ADGRE1: variants seen among roughly 807,000 people sequenced by gnomAD.
ADGRE1 encodes EGF-like module receptor 1.
Under a neutral mutation model 102.7 loss-of-function variants are expected in ADGRE1, and 82 were observed. The observed-to-expected ratio is 0.80, with a 90% confidence interval of 0.67 to 0.96. The LOEUF (loss-of-function observed/expected upper bound fraction) is 0.96. ADGRE1 is among the 40% of genes least tolerant of loss of function. ADGRE1 has a pLI of 0.00. For synonymous variants in ADGRE1, 398 were observed against 399.6 expected (o/e 1.00, Z 0.05); for missense variants, 1,032 against 1,085.3 (o/e 0.95, Z 0.69).
chr19:6,924,531 GAC>G (rs1232324380), intron 14 of ADGRE1, 145 bp from the exon 15 acceptor site: 8 of 651,282 alleles, frequency 1.2e-5, no homozygotes, highest in Admixed American at 5.5e-5. Context: ...GATAATGAAG[GAC>G]AGTATCTAGT....
intron 5 of ADGRE1, among the ~76,000 whole-genome samples, chr19:6,898,869 T>C (rs975732988): frequency 2.6e-5 from 4 of 152,180 alleles, no homozygotes; most frequent in African/African-American, 9.7e-5. Context: ...TGTCTTTACA[T>C]GTTAGGTAGG....
intron 10 of ADGRE1, among the ~76,000 whole-genome samples, chr19:6,909,718 GTTTGTTTGTTTTGT>G (rs1974100560): frequency 6.6e-6 from 1 of 151,668 alleles, no homozygotes; most frequent in African/African-American, 2.4e-5. Flanking sequence ...GGTTTTTTTT[GTTTGTTTGTTTTGT>G]TTTGTTTGTT....
intron 10 of ADGRE1, among the ~76,000 whole-genome samples, chr19:6,911,108 A>C (rs1317589948): frequency 1.3e-5 from 2 of 152,062 alleles, no homozygotes; most frequent in Non-Finnish European, 2.9e-5. Flanking sequence ...GTCCTAGTTG[A>C]GATGTTTCTG....
chr19:6,919,581 G>A lies in ADGRE1; in HGVS notation c.1454G>A (p.Gly485Asp), dbSNP rs757828062. 9 of 1,613,196 alleles carry A rather than the reference G, an allele frequency of 5.6e-6. No homozygotes were observed. The South Asian group carries it at 8.8e-5, about 16-fold the overall frequency. ...GGTGTGGCTTTTGTCTCCTTTGTGG[G>A]CATGGAATCGGTTTTAAATGAGCGC... ...TTGVAFVSFV[G>D]MESVLNERFF... Residue 485 changes from glycine to aspartate, a missense_variant, in exon 13 of 21, where the codon GGC (glycine) becomes GAC (aspartate). Physicochemically the swap from Gly to Asp is moderately conservative, Grantham distance 94. Coordinates refer to ENST00000312053, the MANE Select transcript of ADGRE1 (RefSeq NM_001974.5).
chr19:6,937,984 C>T (rs1390044720), intron 20 of ADGRE1, among the ~76,000 whole-genome samples: 3 of 150,828 alleles, frequency 2.0e-5, no homozygotes, highest in Admixed American at 6.6e-5. Context: ...TTTATATGCA[C>T]TTATTATATA....
chr19:6,933,973 G>A (rs1198481385), intron 17 of ADGRE1, among the ~76,000 whole-genome samples: 1 of 152,072 alleles, frequency 6.6e-6, no homozygotes, highest in Non-Finnish European at 1.5e-5. Context: ...ATGTCCTAAC[G>A]TACTGGATGC....
At chr19:6,923,765 T>C (rs1299798601) in intron 14 of ADGRE1, among the ~76,000 whole-genome samples, 3 of 143,426 alleles carry the variant, frequency 2.1e-5, no homozygotes, top group Admixed American at 7.0e-5. Context: ...TTCAAGCTTC[T>C]GAGCTCAGGT....
At chr19:6,906,356 C>G in intron 8 of ADGRE1, 77 bp from the exon 9 acceptor site, 1 of 1,318,532 alleles carries the variant, frequency 7.6e-7, no homozygotes, top group Non-Finnish European at 1.1e-6. Flanking sequence ...CACGGGAGGA[C>G]ATGAAATCAG....
intron 2 of ADGRE1, among the ~76,000 whole-genome samples, chr19:6,892,486 G>T (rs1028797820): frequency 6.6e-6 from 1 of 152,070 alleles, no homozygotes; most frequent in African/African-American, 2.4e-5. Context: ...TTCCCTCTGG[G>T]TTGTATCTAC....
intron 18 of ADGRE1, among the ~76,000 whole-genome samples, chr19:6,936,480 C>G (rs1679662036): frequency 6.6e-6 from 1 of 150,998 alleles, no homozygotes; most frequent in Admixed American, 6.6e-5. Context: ...TTGATACATA[C>G]ACATACTCAT....
intron 2 of ADGRE1, among the ~76,000 whole-genome samples, chr19:6,891,579 G>A (rs1264820123): frequency 6.6e-6 from 1 of 151,316 alleles, no homozygotes; most frequent in Non-Finnish European, 1.5e-5. Flanking sequence ...TCAGCCTCCC[G>A]AGTAGCTGGG....
At chr19:6,932,927 T>G (rs919977231) in intron 17 of ADGRE1, among the ~76,000 whole-genome samples, 2 of 152,058 alleles carry the variant, frequency 1.3e-5, no homozygotes, top group Non-Finnish European at 2.9e-5. Flanking sequence ...AAATAATAAT[T>G]ATGATGATGT....
intron 2 of ADGRE1, among the ~76,000 whole-genome samples, chr19:6,893,493 G>A (rs762995225): frequency 2.6e-5 from 4 of 152,124 alleles, no homozygotes; most frequent in South Asian, 2.1e-4. Flanking sequence ...GAGCCATCAC[G>A]CCTGCCCGAT....
At chr19:6,898,383 G>T in intron 5 of ADGRE1, 1 of 1,601,506 alleles carries the variant, frequency 6.2e-7, no homozygotes, top group Non-Finnish European at 8.6e-7. Context: ...GGAGGTACAA[G>T]TGCAGCTGTT....
In ADGRE1 at chr19:6,937,622, T is replaced by C. The variant is rs1324713059; in HGVS notation, c.2629T>C (p.Ser877Pro). 1.2e-6 allele frequency: 2 copies of C among 1,614,082 alleles called. No individual in the cohort carries two copies. Among genetic ancestry groups the C allele is most frequent in the South Asian group, 2.2e-5 (2 of 91,070 alleles). Residue 877 changes from serine to proline, a missense_variant, in exon 20 of 21, where the codon TCC (serine) becomes CCC (proline). Ser to Pro is a moderately conservative substitution (Grantham distance 74). Transcript: ENST00000312053. ...GTCCCAGACCTCAAGGATCTTGCTG[T>C]CCTCCATGCCATCCGCTTCCAAGAC... is the stretch of plus-strand genomic sequence containing the variant. ...SQSQTSRILL[S>P]SMPSASKTG
chr19:6,915,933 A>AAC (rs1568351482), intron 11 of ADGRE1, among the ~76,000 whole-genome samples: 13 of 119,922 alleles, frequency 1.1e-4, no homozygotes, highest in Admixed American at 1.6e-4. Flanking sequence ...AAAAAAAAAA[A>AAC]AAAAAAAAAA....
chr19:6,911,041 C>T (rs796959407), intron 10 of ADGRE1, among the ~76,000 whole-genome samples: 14 of 152,088 alleles, frequency 9.2e-5, no homozygotes, highest in East Asian at 3.9e-4. Flanking sequence ...ATCAGAGGGG[C>T]GGGATTTGAA....
rs1444664521 is a variant in ADGRE1, at chr19:6,898,543, C to T, written c.514+996C>T. On this transcript the variant is annotated intron_variant, in intron 5 of 20. Coordinates refer to ENST00000312053, the MANE Select transcript of ADGRE1 (RefSeq NM_001974.5). ...GAGTTCATGTATTTCTGAACTGAGG[C>T]ACCCAATTTCTTATCTGCTCACCCT... 2.0e-6 allele frequency: 3 copies of T among 1,527,700 alleles called. No individual in the cohort carries two copies. The East Asian group carries it at 6.8e-5, about 35-fold the overall frequency. The allele number at this position is 1,527,700 out of a possible 1,614,324, so 94.6% of individuals were successfully genotyped here. A position where few individuals can be genotyped will look rare whatever the true frequency, so the allele number is the denominator to read the frequency against.
chr19:6,924,714 A>G lies in ADGRE1; in HGVS notation c.1828A>G (p.Ile610Val), dbSNP rs1211456931. Residue 610 changes from isoleucine to valine, a missense_variant, in exon 15 of 21, where the codon ATT (isoleucine) becomes GTT (valine). Physicochemically the swap from Ile to Val is conservative, Grantham distance 29. Transcript: ENST00000312053. ...FSLYIISHVG[I>V]IISLVCLVLA... ...CTTGTACATCATTAGCCATGTAGGCATTATCATCTCCTTGGTGTGCCTCGT... is the reference window on the plus strand; with the variant it reads ...CTTGTACATCATTAGCCATGTAGGCGTTATCATCTCCTTGGTGTGCCTCGT... The G allele has an allele frequency of 2.5e-6, 4 of 1,613,994 alleles. No individual in the cohort carries two copies. Among genetic ancestry groups the G allele is most frequent in the Non-Finnish European group, 3.4e-6 (4 of 1,180,026 alleles).
Sources: allele counts gnomAD v4.1 joint callset (sites outside exome capture counted in the v4.1 genomes callset), GRCh38; gene constraint gnomAD v4.1.1; transcripts MANE v1.5; gene names NCBI Gene and HGNC (gene_info 2026-07-23, HGNC 2026-07-21).